The following PLAGL1 variants were observed in gnomAD, a reference collection of about 807,000 sequenced individuals.
PLAGL1 encodes zinc finger protein PLAGL1.
Under a neutral mutation model 4.6 loss-of-function variants are expected in PLAGL1, and 1 was observed. The ratio of observed to expected loss-of-function variants is 0.22; its 90% CI spans 0.08 to 1.03. PLAGL1 has a LOEUF of 1.03. Among genes scored for constraint, PLAGL1 ranks in the 50% least tolerant of loss-of-function variants. PLAGL1 has a pLI of 0.58. For missense variants in PLAGL1, 464 were observed against 570.4 expected (o/e 0.81, Z 1.90); for synonymous variants, 240 against 237.8 (o/e 1.01, Z -0.08).
rs1301451258 is a variant in PLAGL1, at chr6:143,942,663, C to T, written c.153G>A (p.Arg51=). Residue 51 remains arginine (R), a splice_region_variant and synonymous_variant, in exon 8 of 8, where the codon AGG becomes AGA. Coordinates refer to ENST00000674357, the MANE Select transcript of PLAGL1 (RefSeq NM_001317162.2). The surrounding 1 kb of genome is among the most constrained non-coding windows in gnomAD (Gnocchi z 7.6). ...TCTGGGGAGAATGGGTAGCCATATG[C>T]CTAGGAGCAGAAGGAGAAATTTCAC... ...KAFVSRYKLM[R]HMATHSPQKS... is the part of the protein sequence containing the mutation. The T allele has an allele frequency of 3.7e-6, 6 of 1,607,324 alleles. No individual in the cohort carries two copies. The highest frequency in any genetic ancestry group is 1.3e-5 in the African/African-American group (1 of 74,488).
chr6:143,959,748 G>T lies in PLAGL1; in HGVS notation c.-325+721C>A, dbSNP rs1782961337. ...CATCAGCATGGACTAATGACATACT[G>T]CAAGTAATACACTGTCCTAAGCAAA... is the stretch of plus-strand genomic sequence containing the variant. On this transcript the variant is annotated intron_variant, in intron 6 of 7. Coordinates refer to ENST00000674357, the MANE Select transcript of PLAGL1 (RefSeq NM_001317162.2). This position sits in a 1 kb window ranked among gnomAD's most constrained non-coding sequence, Gnocchi z 5.3. Among the ~76,000 whole-genome samples, 1 of 152,140 alleles carries T rather than the reference G, an allele frequency of 6.6e-6. No individual in the cohort carries two copies. Among genetic ancestry groups the T allele is most frequent in the Non-Finnish European group, 1.5e-5 (1 of 68,018 alleles).
intron 1 of PLAGL1, among the ~76,000 whole-genome samples, chr6:144,045,125 G>C (rs1353306821): frequency 1.3e-5 from 2 of 151,060 alleles, no homozygotes; most frequent in Non-Finnish European, 2.9e-5. Context: ...GATGGGTCTT[G>C]ACTCTTTATC....
In PLAGL1 at chr6:144,016,500, A is replaced by C. The variant is rs1179082864; in HGVS notation, c.-150-47522T>G. On this transcript the variant is annotated intron_variant, in intron 1 of 3. Transcript: ENST00000437412. This position sits in a 1 kb window ranked among gnomAD's most constrained non-coding sequence, Gnocchi z 4.2. ...TATCTTTCAATCCAATCAAGGTGAC[A>C]GTCAGTATTAACCATCATAATATGT... Among the ~76,000 whole-genome samples the C allele has an allele frequency of 6.6e-6, 1 of 152,244 alleles. No individual in the cohort carries two copies. The highest frequency in any genetic ancestry group is 2.4e-5 in the African/African-American group (1 of 41,466).
In PLAGL1 at chr6:143,985,982, TTATATATA is replaced by T. The variant is rs55768066; in HGVS notation, c.-583-816_-583-809del. 0.022 allele frequency among the ~76,000 whole-genome samples: 2,506 copies of T among 111,544 alleles called. 115 individuals are homozygous for T. The highest frequency in any genetic ancestry group is 0.13 in the East Asian group (478 of 3,692). The allele number at this position is 111,544 out of a possible 152,430, so 73.2% of individuals were successfully genotyped here. A position where few individuals can be genotyped will look rare whatever the true frequency, so the allele number is the denominator to read the frequency against. ...TATATCAAATTATATATATATAAAA[TTATATATA>T]TATATATATATATATATATATCATT... is the stretch of plus-strand genomic sequence containing the variant. On this transcript the variant is annotated intron_variant, in intron 1 of 7. Transcript: ENST00000674357. The surrounding 1 kb of genome is among the most constrained non-coding windows in gnomAD (Gnocchi z 4.4).
Position 143,942,813 on chromosome 6 carries a change from A to G in PLAGL1, c.153-150T>C, listed in dbSNP as rs988170212. Reference sequence around the variant, plus strand: ...TTTCATATATTTTCCAAATATATAAACTTTTATAATTAAGAAAAGCAAGCA... The same window carrying G: ...TTTCATATATTTTCCAAATATATAAGCTTTTATAATTAAGAAAAGCAAGCA... On this transcript the variant is annotated intron_variant, in intron 7 of 7. Coordinates refer to ENST00000674357, the MANE Select transcript of PLAGL1 (RefSeq NM_001317162.2). The surrounding 1 kb of genome is among the most constrained non-coding windows in gnomAD (Gnocchi z 7.6). The G allele has an allele frequency of 3.0e-5, 18 of 604,980 alleles. No individual in the cohort carries two copies. Among genetic ancestry groups the G allele is most frequent in the African/African-American group, 5.6e-5 (3 of 53,248 alleles). 37.5% of individuals were successfully genotyped at this position (604,980 alleles called of 1,614,324 possible).
rs372873338 is a variant in PLAGL1, at chr6:143,942,065, C to A, written c.751G>T (p.Gly251Trp). 1 of 1,612,332 alleles carries A rather than the reference C, an allele frequency of 6.2e-7. No individual in the cohort carries two copies. The highest frequency in any genetic ancestry group is 2.2e-5 in the East Asian group (1 of 44,860). The change falls in exon 8 of 8, where the codon GGG (glycine) becomes TGG (tryptophan). Residue 251 changes from glycine (G) to tryptophan (W), a missense_variant. This residue lies in a region of PLAGL1 where 248 missense variants were observed against 250.1 expected (regional missense o/e 0.99). Coordinates refer to ENST00000674357, the MANE Select transcript of PLAGL1 (RefSeq NM_001317162.2). The surrounding 1 kb of genome is among the most constrained non-coding windows in gnomAD (Gnocchi z 7.6). ...TCAGCTGGCAAGCTACTTGCAAGCC[C>A]GTTCTGGGCAGAAGCTCCTAAAGGG... ...PFPLGASAQNGLASSLPAEVH... is the reference protein window; with the variant it reads ...PFPLGASAQNWLASSLPAEVH...
intron 1 of PLAGL1, among the ~76,000 whole-genome samples, chr6:144,051,862 C>T (rs899249679): frequency 1.3e-4 from 20 of 152,298 alleles, no homozygotes; most frequent in Admixed American, 1.3e-3. Flanking sequence ...ATAATTTAAT[C>T]ACCTCCCACT....
rs1784307198 is a variant in PLAGL1 at position 143,965,739 on chromosome 6, C to T, written c.-431+419G>A. ...ACCGAAAGTGGGGCTGCTCTGGTCT[C>T]ACAAGGGTCTAGCCTTGGTTGGCAC... On this transcript the variant is annotated intron_variant, in intron 4 of 7. Transcript: ENST00000674357. The surrounding 1 kb of genome is among the most constrained non-coding windows in gnomAD (Gnocchi z 7.5). 2 of 152,240 alleles carry T rather than the reference C, an allele frequency of 1.3e-5. No individual in the cohort carries two copies. The highest frequency in any genetic ancestry group is 4.8e-5 in the African/African-American group (2 of 41,438). The allele number at this position is 152,240 out of a possible 1,614,324, so 9.4% of individuals were successfully genotyped here.
intron 1 of PLAGL1, among the ~76,000 whole-genome samples, chr6:144,020,843 TATAAA>T (rs971229831): frequency 8.2e-5 from 12 of 145,962 alleles, no homozygotes; most frequent in South Asian, 4.2e-4. Flanking sequence ...ATATAATATA[TATAAA>T]ATATAATTAC....
chr6:143,959,034 T>C lies in PLAGL1; in HGVS notation c.-325+1435A>G, dbSNP rs1782779134. Among the ~76,000 whole-genome samples the C allele has an allele frequency of 6.6e-6, 1 of 152,254 alleles. No individual in the cohort carries two copies. The highest frequency in any genetic ancestry group is 2.4e-5 in the African/African-American group (1 of 41,468). On this transcript the variant is annotated intron_variant, in intron 6 of 7. Transcript: ENST00000674357. The surrounding 1 kb of genome is among the most constrained non-coding windows in gnomAD (Gnocchi z 5.3). ...TGAGTAGCTGTCCTTGCAATCCACA[T>C]GTGTGGTCCATCCCCCAGCTCATCC...
Position 143,995,408 on chromosome 6 carries a change from A to G in PLAGL1, c.-583-10234T>C, listed in dbSNP as rs1791412066. 6.6e-6 allele frequency among the ~76,000 whole-genome samples: 1 copy of G among 152,138 alleles called. No homozygotes were observed. The highest frequency in any genetic ancestry group is 2.4e-5 in the African/African-American group (1 of 41,410). ...GGGGTTTTTTTGCTTTGCTTTGGAA[A>G]GGGGATAAATGTTAAACTAATTTGA... On this transcript the variant is annotated intron_variant, in intron 1 of 7. Coordinates refer to ENST00000674357, the MANE Select transcript of PLAGL1 (RefSeq NM_001317162.2). The surrounding 1 kb of genome is among the most constrained non-coding windows in gnomAD (Gnocchi z 4.4).
chr6:144,043,516 G>T (rs1372403659), intron 1 of PLAGL1, among the ~76,000 whole-genome samples: 1 of 152,058 alleles, frequency 6.6e-6, no homozygotes, highest in East Asian at 1.9e-4. Flanking sequence ...TGCATCCCAG[G>T]GATGAAACCA....
At position 144,018,961 on chromosome 6, in the gene PLAGL1, G is replaced by A. The variant is rs75383542; in HGVS notation, c.-151+45507C>T. 8.4e-3 allele frequency among the ~76,000 whole-genome samples: 1,273 copies of A among 152,102 alleles called. 73 individuals are homozygous for A. In the East Asian group the frequency reaches 0.14, roughly 17 times the overall value. On this transcript the variant is annotated intron_variant, in intron 1 of 3. Transcript: ENST00000437412. ...AGGTGGGAGGATCACTTGAGCCCAG[G>A]AGATCAAGGCTGCACTGAGTTATGA...
chr6:143,986,378 G>A (rs1789169987), intron 1 of PLAGL1, among the ~76,000 whole-genome samples: 1 of 152,036 alleles, frequency 6.6e-6, no homozygotes, highest in South Asian at 2.1e-4. Flanking sequence ...AACAAAGGTT[G>A]GGACATGCAG....
rs775335321 is a variant in PLAGL1 at position 143,954,315 on chromosome 6, G to A, written c.-324-5855C>T. Among the ~76,000 whole-genome samples the A allele has an allele frequency of 1.3e-5, 2 of 152,114 alleles. No homozygotes were observed. Among genetic ancestry groups the A allele is most frequent in the Non-Finnish European group, 1.5e-5 (1 of 68,028 alleles). ...GGGGAAAAAAAGACTACGGGGGGAA[G>A]GAAACTTCAAAAATAATAATCATTA... On this transcript the variant is annotated intron_variant, in intron 6 of 7. Coordinates refer to ENST00000674357, the MANE Select transcript of PLAGL1 (RefSeq NM_001317162.2). The surrounding 1 kb of genome is among the most constrained non-coding windows in gnomAD (Gnocchi z 5.1).
chr6:144,045,049 C>T (rs1157992940), intron 1 of PLAGL1, among the ~76,000 whole-genome samples: 2 of 105,608 alleles, frequency 1.9e-5, no homozygotes, highest in East Asian at 7.0e-4. Flanking sequence ...GATCTTCCTC[C>T]ATTCCTTTAT....
intron 1 of PLAGL1, among the ~76,000 whole-genome samples, chr6:144,046,346 T>A (rs529798648): frequency 6.6e-6 from 1 of 152,354 alleles, no homozygotes; most frequent in South Asian, 2.1e-4. Flanking sequence ...CCTTTGATGA[T>A]GGTGACCTAC....
rs1461882629 is a variant in PLAGL1, at chr6:144,061,807, CCTT to C, written c.-151+2658_-151+2660del. Among the ~76,000 whole-genome samples the C allele has an allele frequency of 6.6e-6, 1 of 152,154 alleles. No homozygotes were observed. Among genetic ancestry groups the C allele is most frequent in the Non-Finnish European group, 1.5e-5 (1 of 68,006 alleles). ...TCCCAATCTCCCTCTTCTAGTTATT[CCTT>C]TTTTTAATTCCTCTTACGATTTTCC... On this transcript the variant is annotated intron_variant, in intron 1 of 3. Coordinates refer to the PLAGL1 transcript ENST00000437412. This position sits in a 1 kb window ranked among gnomAD's most constrained non-coding sequence, Gnocchi z 4.4.
chr6:144,026,065 C>A (rs1297339995), intron 1 of PLAGL1, among the ~76,000 whole-genome samples: 1 of 152,212 alleles, frequency 6.6e-6, no homozygotes, highest in Non-Finnish European at 1.5e-5. Context: ...CTCCTTATTA[C>A]TTTCCCAACC....
Sources: allele counts gnomAD v4.1 joint callset (sites outside exome capture counted in the v4.1 genomes callset), GRCh38; gene constraint gnomAD v4.1.1; regional missense constraint gnomAD v4.1.1; non-coding constraint Gnocchi (gnomAD v3.1); transcripts MANE v1.5; gene names NCBI Gene and HGNC (gene_info 2026-07-23, HGNC 2026-07-21).